Variants in DNMT3A observed in about 807,000 individuals in gnomAD.
The protein encoded by DNMT3A is DNA methyltransferase 3 alpha, also known as DNA (cytosine-5)-methyltransferase 3A.
DNMT3A carries 267 observed loss-of-function variants against 117.6 expected under a neutral mutation model. That is an observed-to-expected ratio of 2.27 (90% CI 2.05 to 2.51). The LOEUF (loss-of-function observed/expected upper bound fraction) is 2.51, where lower values mean the gene tolerates loss of function less well. Among genes scored for constraint, DNMT3A ranks in the 30% most tolerant of loss-of-function variants. The pLI, the probability that DNMT3A is intolerant of heterozygous loss-of-function variation, is 0.00. For missense variants in DNMT3A, 1,029 were observed against 1,260.2 expected (o/e 0.82, Z 2.78); for synonymous variants, 432 against 474.8 (o/e 0.91, Z 1.17).
intron 1 of DNMT3A, among the ~76,000 whole-genome samples, chr2:25,333,221 T>C (rs1400958270): frequency 8.6e-5 from 3 of 34,728 alleles, no homozygotes; most frequent in Non-Finnish European, 2.4e-4. Flanking sequence ...CTGTGGCCCC[T>C]GACTCCCAGC....
rs2149365306 is a variant in DNMT3A at position 25,274,931 on chromosome 2, G to T, written c.639+10C>A. Reference sequence around the variant, plus strand: ...GGACGGGCTGGGGCCCAGGCCAGAAGGCGCCTCACCTCCCTTTTCCAGCGT... The same window carrying T: ...GGACGGGCTGGGGCCCAGGCCAGAATGCGCCTCACCTCCCTTTTCCAGCGT... On this transcript the variant is annotated intron_variant, in intron 6 of 22. Coordinates refer to ENST00000321117, the MANE Select transcript of DNMT3A (RefSeq NM_022552.5). The T allele has an allele frequency of 6.2e-7, 1 of 1,604,482 alleles. No individual in the cohort carries two copies. Among genetic ancestry groups the T allele is most frequent in the Non-Finnish European group, 8.5e-7 (1 of 1,173,052 alleles).
intron 20 of DNMT3A, 112 bp downstream of exon 20, chr2:25,239,018 T>A: frequency 1.3e-6 from 1 of 795,994 alleles, no homozygotes; most frequent in Non-Finnish European, 2.0e-6. Flanking sequence ...GAGCAGCTAG[T>A]CATTCAGCAG....
Position 25,247,840 on chromosome 2 carries a change from G to T in DNMT3A, c.856-91C>A. 1.9e-6 allele frequency: 3 copies of T among 1,559,954 alleles called. No homozygotes were observed. Among genetic ancestry groups the T allele is most frequent in the Middle Eastern group, 2.2e-4 (1 of 4,534 alleles). On this transcript the variant is annotated intron_variant, in intron 7 of 22. Transcript: ENST00000321117. The surrounding 1 kb of genome is among the most constrained non-coding windows in gnomAD (Gnocchi z 5.6). ...ATGGCAACCCCAGCCCTGGGCATCT[G>T]GGGGGCAGGACAGCCAGGAGGGAGC...
chr2:25,247,156 CACCTG>C lies in DNMT3A; in HGVS notation c.1015-3_1016del. The C allele has an allele frequency of 6.2e-7, 1 of 1,613,872 alleles. No individual in the cohort carries two copies. Among genetic ancestry groups the C allele is most frequent in the Non-Finnish European group, 8.5e-7 (1 of 1,179,878 alleles). On this transcript the variant is annotated splice_acceptor_variant and splice_polypyrimidine_tract_variant and coding_sequence_variant and intron_variant, in exon 9 of 23. Coordinates refer to ENST00000321117, the MANE Select transcript of DNMT3A (RefSeq NM_022552.5). LOFTEE classifies it high-confidence loss of function. This position sits in a 1 kb window ranked among gnomAD's most constrained non-coding sequence, Gnocchi z 5.6. ...TCAGCGGCATCAGCTTCTCAACACA[CACCTG>C]GGGGGACAAGCCAGGCCTTGTTTGC... is the stretch of plus-strand genomic sequence containing the variant.
rs951177145 is a variant in DNMT3A, at chr2:25,339,728, A to T, written c.-178+2098T>A. 1.3e-5 allele frequency among the ~76,000 whole-genome samples: 2 copies of T among 152,224 alleles called. No homozygotes were observed. Among genetic ancestry groups the T allele is most frequent in the African/African-American group, 2.4e-5 (1 of 41,450 alleles). ...ACAACCCAACTCTCCAAAGGCAGGC[A>T]GCTCAGAAAACTACCTGGAGATGGC... On this transcript the variant is annotated intron_variant, in intron 1 of 22. Transcript: ENST00000321117. The surrounding 1 kb of genome is among the most constrained non-coding windows in gnomAD (Gnocchi z 4.9).
At chr2:25,332,488 C>T in intron 1 of DNMT3A, among the ~76,000 whole-genome samples, 1 of 152,244 alleles carries the variant, frequency 6.6e-6, no homozygotes, top group Non-Finnish European at 1.5e-5. Context: ...ATGAGTGTGA[C>T]CCCCTTCATC....
chr2:25,269,051 G>T (rs2030626400), intron 6 of DNMT3A, among the ~76,000 whole-genome samples: 1 of 152,246 alleles, frequency 6.6e-6, no homozygotes, highest in African/African-American at 2.4e-5. Flanking sequence ...TCTGAGTGCA[G>T]TGGCTCATGC....
intron 3 of DNMT3A, among the ~76,000 whole-genome samples, chr2:25,290,457 G>A (rs1275266204): frequency 1.3e-5 from 2 of 152,016 alleles, no homozygotes; most frequent in Non-Finnish European, 2.9e-5. Context: ...CAGTAGCTGG[G>A]ATTACAGGCG....
chr2:25,251,478 C>G (rs1463391570), intron 6 of DNMT3A, among the ~76,000 whole-genome samples: 1 of 152,178 alleles, frequency 6.6e-6, no homozygotes, highest in Non-Finnish European at 1.5e-5. Context: ...GGGAAAGCCA[C>G]CGGGAACTCC....
At chr2:25,285,376 G>C (rs1255816387) in intron 3 of DNMT3A, among the ~76,000 whole-genome samples, 3 of 152,236 alleles carry the variant, frequency 2.0e-5, no homozygotes, top group Admixed American at 6.5e-5. Flanking sequence ...AACAAAACCA[G>C]AGTCTTCTCA....
At chr2:25,333,687 G>A (rs566029825) in intron 1 of DNMT3A, among the ~76,000 whole-genome samples, 13 of 152,274 alleles carry the variant, frequency 8.5e-5, no homozygotes, top group Middle Eastern at 3.4e-3. Flanking sequence ...CTTTGTGGGG[G>A]TCACCCTAAC....
intron 3 of DNMT3A, among the ~76,000 whole-genome samples, chr2:25,283,163 G>C (rs905241087): frequency 6.6e-6 from 1 of 152,162 alleles, no homozygotes; most frequent in Non-Finnish European, 1.5e-5. Flanking sequence ...GGGAGTTTAA[G>C]AGCAGCCTGG....
intron 10 of DNMT3A, 109 bp downstream of exon 10, chr2:25,246,511 G>T (rs1208377061): frequency 6.7e-7 from 1 of 1,492,652 alleles, no homozygotes; most frequent in Admixed American, 2.3e-5. Flanking sequence ...GTTCCCACTG[G>T]GCCCCTCTGT....
rs150182473 is a variant in DNMT3A at position 25,246,729 on chromosome 2, G to A, written c.1170C>T (p.Ser390=). The part of the protein sequence containing the change: ...AGKLFPVCHD[S]DESDTAKAVE... ...CGGCCTTGGCAGTGTCACTCTCATC[G>A]CTGTCGTGGCACACCGGGAACAGCT... The change falls in exon 10 of 23, where the codon AGC becomes AGT. Residue 390 remains serine, a synonymous_variant. Transcript: ENST00000321117. The A allele has an allele frequency of 2.2e-4, 353 of 1,613,874 alleles. 2 individuals carry two copies. In the African/African-American group the frequency reaches 4.2e-3, roughly 19 times the overall value.
rs116925713 is a variant in DNMT3A at position 25,325,067 on chromosome 2, C to T, written c.-177-10906G>A. 5.3e-4 allele frequency among the ~76,000 whole-genome samples: 80 copies of T among 152,088 alleles called. No individual in the cohort carries two copies. The East Asian group carries it at 0.011, about 20-fold the overall frequency. On this transcript the variant is annotated intron_variant, in intron 1 of 22. Coordinates refer to ENST00000321117, the MANE Select transcript of DNMT3A (RefSeq NM_022552.5). ...CACACCAAACCTGCTGCCACTACGG[C>T]GGCCACATGGGAGTCTGAGTCAGAC...
At chr2:25,287,633 G>C (rs1004241670) in intron 3 of DNMT3A, among the ~76,000 whole-genome samples, 1 of 152,050 alleles carries the variant, frequency 6.6e-6, no homozygotes, top group East Asian at 1.9e-4. Flanking sequence ...GCATGTGTGT[G>C]AAGACATTTT....
intron 3 of DNMT3A, among the ~76,000 whole-genome samples, chr2:25,283,630 C>G (rs1304957932): frequency 6.6e-6 from 1 of 152,206 alleles, no homozygotes; most frequent in Non-Finnish European, 1.5e-5. Context: ...CACTCAGACC[C>G]AGAAGAGCCA....
intron 6 of DNMT3A, among the ~76,000 whole-genome samples, chr2:25,264,523 A>G (rs1044960513): frequency 2.6e-5 from 4 of 150,960 alleles, no homozygotes; most frequent in Non-Finnish European, 4.4e-5. Context: ...GCTGGAGTGC[A>G]GTGGTGCGAT....
intron 6 of DNMT3A, among the ~76,000 whole-genome samples, chr2:25,251,700 C>T (rs1442901743): frequency 6.6e-6 from 1 of 152,188 alleles, no homozygotes; most frequent in South Asian, 2.1e-4. Flanking sequence ...TTCTTTCTGG[C>T]GGCCTGCCTG....
Sources: allele counts gnomAD v4.1 joint callset (sites outside exome capture counted in the v4.1 genomes callset), GRCh38; gene constraint gnomAD v4.1.1; non-coding constraint Gnocchi (gnomAD v3.1); transcripts MANE v1.5; gene names NCBI Gene and HGNC (gene_info 2026-07-23, HGNC 2026-07-21).